The following CLDN16 variants were observed in gnomAD, a reference collection of about 807,000 sequenced individuals.
CLDN16 encodes claudin 16, also known as claudin-16.
In CLDN16, 13 loss-of-function variants were observed where a neutral mutation model predicts 24.6. The ratio of observed to expected loss-of-function variants is 0.53; its 90% confidence interval spans 0.34 to 0.84. The LOEUF (loss-of-function observed/expected upper bound fraction) is 0.84. Ranked by LOEUF, CLDN16 falls within the 40% of genes least tolerant of loss-of-function variation. The pLI is 0.01. For missense variants in CLDN16, 298 were observed against 292.7 expected (o/e 1.02, Z -0.13); for synonymous variants, 116 against 106.7 (o/e 1.09, Z -0.54).
At chr3:190,398,038 T>A (rs183827937) in intron 1 of CLDN16, among the ~76,000 whole-genome samples, 1 of 152,368 alleles carries the variant, frequency 6.6e-6, no homozygotes, top group East Asian at 1.9e-4. Context: ...GGAGAGTCGC[T>A]GTCTGATTTA....
At chr3:190,377,751 A>ACTC (rs2108651132) in intron 3 of CLDN16, among the ~76,000 whole-genome samples, 1 of 152,116 alleles carries the variant, frequency 6.6e-6, no homozygotes, top group South Asian at 2.1e-4. Context: ...TAAGAGGGTG[A>ACTC]GCGGGCACCC....
chr3:190,322,162 G>A, upstream of CLDN16: 1 of 1,614,190 alleles, frequency 6.2e-7, no homozygotes, highest in Non-Finnish European at 8.5e-7. Flanking sequence ...TCCATCCCAG[G>A]AAGGCGAGAA....
chr3:190,393,270 T>C (rs1718725932), intron 1 of CLDN16, among the ~76,000 whole-genome samples: 1 of 152,184 alleles, frequency 6.6e-6, no homozygotes, highest in Non-Finnish European at 1.5e-5. Context: ...CCCTGAACCA[T>C]CCTACTATTT....
rs1719157036 is a variant in CLDN16, at chr3:190,408,298, C to T, written c.383-16C>T. Reference sequence around the variant, plus strand: ...AAATGTCCCCTATTATTTGTAGCATCCTCCCTTTCTTTCAGGTACCCCAGG... The same window carrying T: ...AAATGTCCCCTATTATTTGTAGCATTCTCCCTTTCTTTCAGGTACCCCAGG... On this transcript the variant is annotated splice_polypyrimidine_tract_variant and intron_variant, in intron 3 of 4. Transcript: ENST00000264734. 2 of 1,610,870 alleles carry T rather than the reference C, an allele frequency of 1.2e-6. No homozygotes were observed. The highest frequency in any genetic ancestry group is 1.7e-6 in the Non-Finnish European group (2 of 1,177,076).
At chr3:190,343,346 T>C (rs1302320277) in intron 1 of CLDN16, among the ~76,000 whole-genome samples, 2 of 152,156 alleles carry the variant, frequency 1.3e-5, no homozygotes, top group Admixed American at 1.3e-4. Context: ...GGAAGCCTTG[T>C]ACACTTTTGG....
chr3:190,299,519 TAAG>T, the CLDN16 span, among the ~76,000 whole-genome samples: 1 of 150,018 alleles, frequency 6.7e-6, no homozygotes, highest in East Asian at 1.9e-4. Context: ...TAATTTATGG[TAAG>T]AAATTTATTC....
intron 1 of CLDN16, among the ~76,000 whole-genome samples, chr3:190,367,924 T>C (rs1718057783): frequency 6.6e-6 from 1 of 151,964 alleles, no homozygotes; most frequent in Admixed American, 6.6e-5. Context: ...ATCTGCATTT[T>C]GATTACATTC....
At chr3:190,386,835 A>AC (rs1246848379), upstream of CLDN16, among the ~76,000 whole-genome samples, 1 of 152,258 alleles carries the variant, frequency 6.6e-6, no homozygotes, top group African/African-American at 2.4e-5. Flanking sequence ...AATTAAAATT[A>AC]GAAAAAACAA....
At chr3:190,349,967 C>G (rs1432268158) in intron 1 of CLDN16, among the ~76,000 whole-genome samples, 1 of 152,068 alleles carries the variant, frequency 6.6e-6, no homozygotes, top group African/African-American at 2.4e-5. Context: ...GTCTTAAAAC[C>G]ATTGAATTTC....
chr3:190,299,765 A>G, the CLDN16 span, among the ~76,000 whole-genome samples: 1 of 152,090 alleles, frequency 6.6e-6, no homozygotes, highest in Non-Finnish European at 1.5e-5. Flanking sequence ...TCTCTATTCT[A>G]TCCCACTATT....
intron 1 of CLDN16, among the ~76,000 whole-genome samples, chr3:190,356,731 C>T (rs1467800672): frequency 6.6e-6 from 1 of 151,768 alleles, no homozygotes; most frequent in Non-Finnish European, 1.5e-5. Flanking sequence ...TAATGTCCTA[C>T]TGAAATAAAT....
the CLDN16 span, chr3:190,313,240 A>C: frequency 6.5e-5 from 38 of 585,762 alleles, no homozygotes; most frequent in Admixed American, 1.2e-3. Context: ...TGGATGATGA[A>C]AAAGAGATCC....
intron 1 of CLDN16, among the ~76,000 whole-genome samples, chr3:190,347,367 A>G (rs1270589712): frequency 6.6e-6 from 1 of 152,192 alleles, no homozygotes; most frequent in Non-Finnish European, 1.5e-5. Flanking sequence ...ACAAAAGGAT[A>G]GTTTTAGAGA....
At chr3:190,310,252 A>T in the CLDN16 span, 10 of 1,612,670 alleles carry the variant, frequency 6.2e-6, no homozygotes, top group Non-Finnish European at 8.5e-6. Context: ...AAATAGCCAG[A>T]CCTATAGAAA....
At chr3:190,380,565 A>T (rs536244730) in intron 3 of CLDN16, among the ~76,000 whole-genome samples, 1 of 152,212 alleles carries the variant, frequency 6.6e-6, no homozygotes, top group Admixed American at 6.5e-5. Flanking sequence ...ACAATTGACC[A>T]ATGAGATCTA....
At chr3:190,319,389 G>T (rs1184239390), upstream of CLDN16, among the ~76,000 whole-genome samples, 1 of 152,144 alleles carries the variant, frequency 6.6e-6, no homozygotes, top group Admixed American at 6.5e-5. Flanking sequence ...TGTGACATTT[G>T]TTTCCCCAGG....
chr3:190,298,051 A>G, the CLDN16 span, among the ~76,000 whole-genome samples: 1 of 152,168 alleles, frequency 6.6e-6, no homozygotes, highest in African/African-American at 2.4e-5. Flanking sequence ...GAGACATAAA[A>G]ATAGAGGAAT....
At chr3:190,391,568 C>T (rs116968907) in intron 1 of CLDN16, among the ~76,000 whole-genome samples, 23 of 152,180 alleles carry the variant, frequency 1.5e-4, no homozygotes, top group East Asian at 9.7e-4. Flanking sequence ...AGCCTTGAAA[C>T]GATGTAAAGC....
intron 1 of CLDN16, among the ~76,000 whole-genome samples, chr3:190,342,331 T>A (rs1577402221): frequency 6.6e-6 from 1 of 152,082 alleles, no homozygotes; most frequent in East Asian, 1.9e-4. Flanking sequence ...TGGCAGAAGG[T>A]GAAAGGCACA....
Sources: allele counts gnomAD v4.1 joint callset (sites outside exome capture counted in the v4.1 genomes callset), GRCh38; gene constraint gnomAD v4.1.1; transcripts MANE v1.5; gene names NCBI Gene and HGNC (gene_info 2026-07-23, HGNC 2026-07-21).